Variants in SUGP2 observed in about 807,000 individuals in gnomAD.
SUGP2 encodes SURP and G-patch domain containing 2.
SUGP2 carries 24 observed loss-of-function variants against 90.5 expected under a neutral mutation model. The ratio of observed to expected loss-of-function variants is 0.27; its 90% CI spans 0.19 to 0.37. The LOEUF is 0.37. Among genes scored for constraint, SUGP2 ranks in the 10% least tolerant of loss-of-function variants. The probability of loss-of-function intolerance (pLI) is 1.00; values close to 1 mark genes in which losing one functional copy is unlikely to be tolerated. For synonymous variants in SUGP2, 473 were observed against 513.4 expected (o/e 0.92, Z 1.06); for missense variants, 1,233 against 1,363.3 (o/e 0.90, Z 1.51).
rs2058876944 is a variant in SUGP2, at chr19:19,025,284, AAG to A, written c.1062_1063del (p.Phe355Ter). 6.2e-7 allele frequency: 1 copy of A among 1,613,532 alleles called. No homozygotes were observed. Among genetic ancestry groups the A allele is most frequent in the Non-Finnish European group, 8.5e-7 (1 of 1,179,960 alleles). On this transcript the variant is annotated frameshift_variant, in exon 3 of 11. Transcript: ENST00000452918. LOFTEE classifies it high-confidence loss of function. ...AGCACAGGTTTCTGTTTCAAGTTCA[AAG>A]AGAGTCTGGAAAAGTTGGGAAAATT... is the stretch of plus-strand genomic sequence containing the variant.
intron 4 of SUGP2, among the ~76,000 whole-genome samples, chr19:19,011,094 G>A (rs552807537): frequency 6.6e-6 from 1 of 150,954 alleles, no homozygotes; most frequent in South Asian, 2.1e-4. Context: ...AGCTGTGATT[G>A]CACCACTGCA....
intron 10 of SUGP2, chr19:18,994,138 T>G (rs2057474908): frequency 2.0e-6 from 1 of 506,190 alleles, no homozygotes; most frequent in Non-Finnish European, 3.4e-6. Context: ...GCCATGCGCA[T>G]CTGCCCTTGG....
chr19:19,010,045 C>T lies in SUGP2; in HGVS notation c.2148G>A (p.Gln716=). 2 of 1,613,868 alleles carry T rather than the reference C, an allele frequency of 1.2e-6. No homozygotes were observed. Among genetic ancestry groups the T allele is most frequent in the Non-Finnish European group, 1.7e-6 (2 of 1,180,002 alleles). The change falls in exon 5 of 11, where the codon CAG becomes CAA. Residue 716 remains glutamine, a synonymous_variant. Coordinates refer to ENST00000452918, the MANE Select transcript of SUGP2 (RefSeq NM_001017392.5). ...GTTTTGCCTGTGAGAGGCCTGGAGC[C>T]TGCCGGCCGTGGTGTTTCAGCCTGG... The part of the protein sequence containing the change: ...SGTRLKHHGR[Q]APGLSQAKPS...
chr19:19,028,035 C>A (rs2059002760), intron 2 of SUGP2, among the ~76,000 whole-genome samples: 1 of 152,118 alleles, frequency 6.6e-6, no homozygotes, highest in Non-Finnish European at 1.5e-5. Context: ...GGAATGAGGA[C>A]AAGACCCTGA....
chr19:19,014,586 T>TA (rs1375669652), intron 4 of SUGP2, among the ~76,000 whole-genome samples: 2 of 150,060 alleles, frequency 1.3e-5, no homozygotes, highest in African/African-American at 4.9e-5. Context: ...GCCCAGGAGT[T>TA]AGACACCAGC....
chr19:19,030,063 G>T (rs1284502208), intron 2 of SUGP2, among the ~76,000 whole-genome samples: 1 of 151,754 alleles, frequency 6.6e-6, no homozygotes, highest in African/African-American at 2.4e-5. Flanking sequence ...GCCTGTAATC[G>T]CAACATGCTG....
chr19:19,029,449 T>C (rs1156730576), intron 2 of SUGP2, among the ~76,000 whole-genome samples: 1 of 148,574 alleles, frequency 6.7e-6, no homozygotes, highest in African/African-American at 2.5e-5. Flanking sequence ...TTTTCTTTTT[T>C]TTTTTTTGAG....
chr19:19,017,600 C>T (rs1029865092), intron 4 of SUGP2, among the ~76,000 whole-genome samples: 2 of 151,914 alleles, frequency 1.3e-5, no homozygotes, highest in African/African-American at 2.4e-5. Context: ...GGTAAAACCC[C>T]GTCTCTACTA....
At chr19:19,022,289 T>A (rs1000985266) in intron 3 of SUGP2, among the ~76,000 whole-genome samples, 1 of 152,194 alleles carries the variant, frequency 6.6e-6, no homozygotes. Context: ...TGGCCCATTA[T>A]AGCATTTCTA....
Position 19,026,044 on chromosome 19 carries a change from A to C in SUGP2, c.304T>G (p.Tyr102Asp), listed in dbSNP as rs1195986595. The change falls in exon 3 of 11, where the codon TAC becomes GAC. Residue 102 changes from tyrosine (Y) to aspartate (D), a missense_variant. Around this residue, in one of 8 missense-constraint regions of SUGP2, gnomAD observed 418 missense variants for 399.9 expected, o/e 1.05. Coordinates refer to ENST00000452918, the MANE Select transcript of SUGP2 (RefSeq NM_001017392.5). ...SSNPSISDDS[Y>D]FRKECGRDLE... ...TCCCGGCCACATTCTTTGCGAAAGT[A>C]GCTGTCATCACTGATGGAAGGGTTG... 1 of 1,614,134 alleles carries C rather than the reference A, an allele frequency of 6.2e-7. No homozygotes were observed. The highest frequency in any genetic ancestry group is 1.3e-5 in the African/African-American group (1 of 75,042).
intron 2 of SUGP2, among the ~76,000 whole-genome samples, chr19:19,028,234 C>T (rs956745444): frequency 3.9e-5 from 6 of 152,172 alleles, no homozygotes; most frequent in African/African-American, 9.7e-5. Flanking sequence ...GTGACGCTAA[C>T]GTGCTACAAA....
At chr19:18,997,416 C>T (rs1245200809) in intron 8 of SUGP2, among the ~76,000 whole-genome samples, 1 of 152,110 alleles carries the variant, frequency 6.6e-6, no homozygotes, top group Admixed American at 6.6e-5. Context: ...TCAGTGTTCT[C>T]ACCCTAGAAA....
At chr19:19,016,316 T>G (rs923744073) in intron 4 of SUGP2, among the ~76,000 whole-genome samples, 1 of 152,088 alleles carries the variant, frequency 6.6e-6, no homozygotes, top group Non-Finnish European at 1.5e-5. Context: ...GCCGCTTATT[T>G]CTGATTTTGT....
intron 2 of SUGP2, among the ~76,000 whole-genome samples, chr19:19,028,937 T>C (rs940950669): frequency 3.3e-5 from 5 of 152,194 alleles, no homozygotes; most frequent in Non-Finnish European, 7.3e-5. Context: ...TCTGCCCACC[T>C]TGGCCTCCCA....
At chr19:19,031,155 C>T (rs2059135654) in intron 1 of SUGP2, 73 bp from the exon 2 acceptor site, 2 of 1,524,072 alleles carry the variant, frequency 1.3e-6, no homozygotes, top group Non-Finnish European at 8.8e-7. Context: ...TACCTGTAAT[C>T]CTGGCACTTT....
At chr19:18,996,108 G>A (rs575823766) in intron 8 of SUGP2, among the ~76,000 whole-genome samples, 2 of 152,314 alleles carry the variant, frequency 1.3e-5, no homozygotes, top group East Asian at 3.9e-4. Context: ...GTCAACTTGT[G>A]TGGGTGGGCT....
chr19:19,003,082 C>T (rs1309034144), intron 7 of SUGP2, among the ~76,000 whole-genome samples: 15 of 152,190 alleles, frequency 9.9e-5, no homozygotes, highest in Admixed American at 9.8e-4. Flanking sequence ...GCTGGGATTA[C>T]AGGCACGAGC....
At chr19:19,011,209 TTGA>T (rs956043278) in intron 4 of SUGP2, among the ~76,000 whole-genome samples, 3 of 151,752 alleles carry the variant, frequency 2.0e-5, no homozygotes, top group Non-Finnish European at 4.4e-5. Context: ...GCTTCATGAG[TTGA>T]TTACAGCTCA....
At chr19:19,033,605 G>T (rs10422238), upstream of SUGP2, 5,671 of 1,179,440 alleles carry the variant, frequency 4.8e-3, 210 homozygotes, top group African/African-American at 0.082. Flanking sequence ...GGGCCGCCGC[G>T]GCCCGGCTCT....
Sources: allele counts gnomAD v4.1 joint callset (sites outside exome capture counted in the v4.1 genomes callset), GRCh38; gene constraint gnomAD v4.1.1; regional missense constraint gnomAD v4.1.1; transcripts MANE v1.5; gene names NCBI Gene and HGNC (gene_info 2026-07-23, HGNC 2026-07-21).